Variants in NCOA3 observed in about 807,000 individuals in gnomAD.
NCOA3 encodes the protein CBP-interacting protein.
A neutral mutation model predicts 158.8 loss-of-function variants in NCOA3; 51 were observed. The ratio of observed to expected loss-of-function variants is 0.32; its 90% CI spans 0.26 to 0.41. The LOEUF is 0.41. Among genes scored for constraint, NCOA3 ranks in the 10% least tolerant of loss-of-function variants. NCOA3 has a pLI of 1.00. For missense variants in NCOA3, 1,510 were observed against 1,746.6 expected (o/e 0.86, Z 2.41); for synonymous variants, 537 against 592.4 (o/e 0.91, Z 1.36).
Position 47,502,367 on chromosome 20 carries a change from C to T in NCOA3, c.-99+348C>T, listed in dbSNP as rs536437068. Among the ~76,000 whole-genome samples, 17 of 152,226 alleles carry T rather than the reference C, an allele frequency of 1.1e-4. 1 individual carries two copies. The highest frequency in any genetic ancestry group is 1.0e-3 in the Admixed American group (16 of 15,286). ...TCTGTCCCTAAAGTTTTTTCTTCCT[C>T]TTGCCTCCCCCAGCCCTTTTGAAAG... On this transcript the variant is annotated intron_variant, in intron 1 of 22. Transcript: ENST00000371998.
rs72645243 is a variant in NCOA3 at position 47,622,680 on chromosome 20, G to A, written c.83+350G>A. 4.6e-3 allele frequency among the ~76,000 whole-genome samples: 702 copies of A among 152,274 alleles called. 3 individuals are homozygous for A. The highest frequency in any genetic ancestry group is 0.015 in the African/African-American group (632 of 41,540). On this transcript the variant is annotated intron_variant, in intron 3 of 22. Coordinates refer to ENST00000371998, the MANE Select transcript of NCOA3 (RefSeq NM_181659.3). ...CAACAAGGCTGTTTATTTCACCTGG[G>A]TACAGGCAGGCTGAGTCCAAAAAGA...
At chr20:47,628,349 A>C (rs554914778) in intron 8 of NCOA3, 1 of 213,846 alleles carries the variant, frequency 4.7e-6, no homozygotes, top group Admixed American at 5.5e-5. Flanking sequence ...CCCATTTGTC[A>C]TAAAGAAACA....
At chr20:47,546,503 A>G (rs912743747) in intron 1 of NCOA3, among the ~76,000 whole-genome samples, 1 of 150,254 alleles carries the variant, frequency 6.7e-6, no homozygotes, top group African/African-American at 2.4e-5. Flanking sequence ...ACTTTGTTTC[A>G]ATGAGACTCT....
chr20:47,549,349 C>G (rs2084892332), intron 1 of NCOA3, among the ~76,000 whole-genome samples: 1 of 150,714 alleles, frequency 6.6e-6, no homozygotes, highest in South Asian at 2.1e-4. Flanking sequence ...TGGCAAGACC[C>G]CAGATTGACA....
At chr20:47,626,907 C>T (rs759772582) in intron 5 of NCOA3, 95 bp from the exon 6 acceptor site, 52 of 1,145,878 alleles carry the variant, frequency 4.5e-5, no homozygotes, top group Non-Finnish European at 5.7e-5. Flanking sequence ...TTTCCAAATA[C>T]AGTTACACTG....
At chr20:47,547,268 G>A (rs1458998990) in intron 1 of NCOA3, among the ~76,000 whole-genome samples, 1 of 152,156 alleles carries the variant, frequency 6.6e-6, no homozygotes, top group Non-Finnish European at 1.5e-5. Flanking sequence ...AAAGGGTGAC[G>A]TCCTAAAGCC....
At position 47,623,176 on chromosome 20, in the gene NCOA3, A is replaced by T. The variant is rs544678414; in HGVS notation, c.84-735A>T. ...AACACTACTCTATAGCTTTTAAAGTATTTGCCAAAGTCAGTGTCAATTGAA... is the reference window on the plus strand; with the variant it reads ...AACACTACTCTATAGCTTTTAAAGTTTTTGCCAAAGTCAGTGTCAATTGAA... On this transcript the variant is annotated intron_variant, in intron 3 of 22. Transcript: ENST00000371998. Among the ~76,000 whole-genome samples, 7 of 152,334 alleles carry T rather than the reference A, an allele frequency of 4.6e-5. No homozygotes were observed. In the South Asian group the frequency reaches 1.4e-3, roughly 32 times the overall value.
chr20:47,643,079 T>C (rs1568751858), intron 17 of NCOA3, among the ~76,000 whole-genome samples: 1 of 152,118 alleles, frequency 6.6e-6, no homozygotes. Context: ...CCCGGGTAAT[T>C]TCTTTTGTAT....
At chr20:47,538,011 C>G (rs1391316850) in intron 1 of NCOA3, among the ~76,000 whole-genome samples, 1 of 152,066 alleles carries the variant, frequency 6.6e-6, no homozygotes, top group Non-Finnish European at 1.5e-5. Context: ...TCCTGAGTAT[C>G]TGGGATTACA....
At chr20:47,560,241 G>T (rs557376306) in intron 1 of NCOA3, among the ~76,000 whole-genome samples, 1 of 152,002 alleles carries the variant, frequency 6.6e-6, no homozygotes, top group Non-Finnish European at 1.5e-5. Context: ...TATCATGGCC[G>T]GCTTTTTGTA....
intron 1 of NCOA3, among the ~76,000 whole-genome samples, chr20:47,518,640 G>A (rs917216791): frequency 6.6e-6 from 1 of 151,662 alleles, no homozygotes; most frequent in Admixed American, 6.6e-5. Flanking sequence ...GGTCAGGCTC[G>A]TCTCGAACTC....
intron 1 of NCOA3, among the ~76,000 whole-genome samples, chr20:47,547,972 C>G (rs532109895): frequency 6.6e-6 from 1 of 151,750 alleles, no homozygotes; most frequent in South Asian, 2.1e-4. Flanking sequence ...CTCAGGTTAT[C>G]CACCTGCCTC....
chr20:47,619,881 C>T (rs543586362), intron 2 of NCOA3, among the ~76,000 whole-genome samples: 12 of 151,076 alleles, frequency 7.9e-5, no homozygotes, highest in South Asian at 2.1e-4. Context: ...CTGCAACCTC[C>T]GCCTTCCGGG....
chr20:47,513,430 T>C (rs979249658), intron 1 of NCOA3, among the ~76,000 whole-genome samples: 11 of 152,018 alleles, frequency 7.2e-5, no homozygotes, highest in African/African-American at 2.7e-4. Flanking sequence ...ATTAGAAATT[T>C]CTAAGCAACT....
chr20:47,521,892 A>G (rs1054803293), intron 1 of NCOA3, among the ~76,000 whole-genome samples: 1 of 152,088 alleles, frequency 6.6e-6, no homozygotes, highest in Non-Finnish European at 1.5e-5. Flanking sequence ...TTGCATTTCC[A>G]TATAATTGCT....
chr20:47,569,160 A>G lies in NCOA3; in HGVS notation c.-98-14023A>G, dbSNP rs6018555. The stretch of plus-strand genomic sequence containing the variant: ...CACGAGTTTGAGACCAAGCTGGGCA[A>G]CATAGCAAGACCCCATCTCTATAAA... On this transcript the variant is annotated intron_variant, in intron 1 of 22. Transcript: ENST00000371998. Among the ~76,000 whole-genome samples the G allele has an allele frequency of 7.2e-3, 1,094 of 152,184 alleles. 22 individuals carry two copies. The highest frequency in any genetic ancestry group is 0.025 in the African/African-American group (1,037 of 41,522).
At position 47,651,106 on chromosome 20, in the gene NCOA3, AGC is replaced by A. The variant is rs1491390119; in HGVS notation, c.3777_3778del (p.Gln1260AlafsTer25). On this transcript the variant is annotated frameshift_variant, in exon 20 of 23. Transcript: ENST00000371998. LOFTEE classifies it high-confidence loss of function. ...CAGCAGCAGCAACAGCAGCAGCAGC[AGC>A]AGCAGCAGCAGCAACAGCAACAGCA... 1.9e-6 allele frequency: 3 copies of A among 1,609,058 alleles called. No homozygotes were observed. The highest frequency in any genetic ancestry group is 4.5e-5 in the East Asian group (2 of 44,846).
chr20:47,515,511 C>G (rs2084220197), intron 1 of NCOA3, among the ~76,000 whole-genome samples: 1 of 143,392 alleles, frequency 7.0e-6, no homozygotes, highest in Non-Finnish European at 1.5e-5. Context: ...AGACAGGTCA[C>G]TGGGTCACTC....
At position 47,622,171 on chromosome 20, in the gene NCOA3, CAT is replaced by C; in HGVS notation, c.-19-56_-19-55del. On this transcript the variant is annotated intron_variant, in intron 2 of 22. Transcript: ENST00000371998. ...CAGTCATTCAGTCATATAACACCTT[CAT>C]AGAGTCATGTATATTTTTTAATGTA... 4.5e-6 allele frequency: 4 copies of C among 893,080 alleles called. No homozygotes were observed. In the South Asian group the frequency reaches 6.2e-5, roughly 14 times the overall value. 55.3% of individuals were successfully genotyped at this position (893,080 alleles called of 1,614,324 possible).
Sources: gnomAD v4.1 joint callset for allele counts (sites outside exome capture counted in the v4.1 genomes callset) on GRCh38, gnomAD v4.1.1 for gene constraint, MANE v1.5 for transcripts, NCBI Gene and HGNC (gene_info 2026-07-23, HGNC 2026-07-21) for gene names.